PTPN13: variants seen among roughly 807,000 people sequenced by gnomAD.
PTPN13 encodes tyrosine-protein phosphatase non-receptor type 13.
In PTPN13, 191 loss-of-function variants were observed where a neutral mutation model predicts 284.0. The ratio of observed to expected loss-of-function variants is 0.67; its 90% CI spans 0.60 to 0.76. The LOEUF (loss-of-function observed/expected upper bound fraction) is 0.76. Among genes scored for constraint, PTPN13 ranks in the 30% least tolerant of loss-of-function variants. The pLI, the probability that PTPN13 is intolerant of heterozygous loss-of-function variation, is 0.00. For missense variants in PTPN13, 2,797 were observed against 2,939.9 expected, an observed-to-expected ratio of 0.95 and a Z score of 1.12; for synonymous variants, 986 against 1,022.3, an observed-to-expected ratio of 0.96 and a Z score of 0.68.
At chr4:86,615,450 T>C (rs1223569341) in intron 1 of PTPN13, among the ~76,000 whole-genome samples, 1 of 152,170 alleles carries the variant, frequency 6.6e-6, no homozygotes, top group Non-Finnish European at 1.5e-5. Flanking sequence ...TCATTTTCAT[T>C]CCCTACTGTC....
intron 1 of PTPN13, among the ~76,000 whole-genome samples, chr4:86,598,893 T>A (rs1261119440): frequency 1.3e-5 from 2 of 152,164 alleles, no homozygotes; most frequent in Non-Finnish European, 2.9e-5. Flanking sequence ...GCATCCTGAA[T>A]AACTGATACT....
At chr4:86,800,648 T>G (rs1743910819) in intron 42 of PTPN13, among the ~76,000 whole-genome samples, 1 of 124,076 alleles carries the variant, frequency 8.1e-6, no homozygotes, top group Non-Finnish European at 1.7e-5. Flanking sequence ...TGAGATCCTG[T>G]CAGAAAGAAA....
At chr4:86,648,228 A>T (rs1006834253) in intron 2 of PTPN13, among the ~76,000 whole-genome samples, 7 of 152,144 alleles carry the variant, frequency 4.6e-5, no homozygotes, top group Admixed American at 2.0e-4. Context: ...TGTGTTAAGA[A>T]CATTCAAATT....
chr4:86,758,946 C>T lies in PTPN13; in HGVS notation c.3426C>T (p.Asp1142=). ...CTGGATTGTCTATTTGTACAGGAGA[C>T]CGTTTGATATCTGTGAATAGTGTGA... The part of the protein sequence containing the change: ...ADLDGCLKPG[D]RLISVNSVSL... Residue 1142 remains aspartate, a synonymous_variant, in exon 23 of 48, where the codon GAC becomes GAT. Coordinates refer to ENST00000411767, the MANE Select transcript of PTPN13 (RefSeq NM_080683.3). 2.5e-6 allele frequency: 4 copies of T among 1,612,500 alleles called. No homozygotes were observed. The highest frequency in any genetic ancestry group is 3.4e-6 in the Non-Finnish European group (4 of 1,179,404).
chr4:86,647,809 T>G (rs962471033), intron 2 of PTPN13, among the ~76,000 whole-genome samples: 15 of 151,960 alleles, frequency 9.9e-5, no homozygotes, highest in African/African-American at 3.6e-4. Flanking sequence ...TGAGAAGACA[T>G]AGAGAGAAGA....
At chr4:86,808,690 T>C (rs1744906396) in intron 45 of PTPN13, among the ~76,000 whole-genome samples, 1 of 152,242 alleles carries the variant, frequency 6.6e-6, no homozygotes. Flanking sequence ...GCACAGTTGT[T>C]CAATATTCTT....
chr4:86,792,588 A>C (rs1742812938), intron 40 of PTPN13, among the ~76,000 whole-genome samples: 1 of 149,934 alleles, frequency 6.7e-6, no homozygotes, highest in African/African-American at 2.5e-5. Flanking sequence ...GAAGGAAAAA[A>C]TGTTAAGTGT....
chr4:86,739,486 TACTC>T (rs1470750520), intron 15 of PTPN13, among the ~76,000 whole-genome samples: 3 of 152,090 alleles, frequency 2.0e-5, no homozygotes, highest in Admixed American at 6.6e-5. Flanking sequence ...TCGTGAGACT[TACTC>T]ACTATCATGA....
intron 15 of PTPN13, among the ~76,000 whole-genome samples, chr4:86,739,471 A>G (rs1735911775): frequency 6.6e-6 from 1 of 152,280 alleles, no homozygotes; most frequent in South Asian, 2.1e-4. Context: ...TAAAACCATC[A>G]GATCTCGTGA....
chr4:86,696,393 C>T (rs1212123814), intron 6 of PTPN13, among the ~76,000 whole-genome samples: 2 of 151,832 alleles, frequency 1.3e-5, no homozygotes, highest in African/African-American at 4.8e-5. Flanking sequence ...ATATGTGAGA[C>T]TATGGTTTAT....
In PTPN13 at chr4:86,667,674, G is replaced by T. The variant is rs72870696; in HGVS notation, c.116-4691G>T. ...GAATTCCATATTATAGAGGGACTTT[G>T]TCAAATCCTTCAGAGTTTGGAACAG... On this transcript the variant is annotated intron_variant, in intron 2 of 47. Coordinates refer to ENST00000411767, the MANE Select transcript of PTPN13 (RefSeq NM_080683.3). Among the ~76,000 whole-genome samples, 199 of 152,246 alleles carry T rather than the reference G, an allele frequency of 1.3e-3. 1 individual carries two copies. The highest frequency in any genetic ancestry group is 4.6e-3 in the African/African-American group (190 of 41,558).
intron 10 of PTPN13, among the ~76,000 whole-genome samples, chr4:86,726,614 G>T (rs1734282405): frequency 6.7e-6 from 1 of 149,174 alleles, no homozygotes; most frequent in Non-Finnish European, 1.5e-5. Flanking sequence ...TTGGCTGTTT[G>T]TCTGTTATTG....
At chr4:86,726,402 CT>C (rs1427982956) in intron 10 of PTPN13, among the ~76,000 whole-genome samples, 2 of 149,296 alleles carry the variant, frequency 1.3e-5, no homozygotes, top group Non-Finnish European at 3.0e-5. Flanking sequence ...CTATAAATTA[CT>C]TTGGGCAGTA....
Position 86,785,847 on chromosome 4 carries a change from G to T in PTPN13, c.6257-1G>T. ...TCTTGGCCTATATATTCCTCTCTCAGGTACATTAAAGATGAATGGGAAGTT... is the reference window on the plus strand; with the variant it reads ...TCTTGGCCTATATATTCCTCTCTCATGTACATTAAAGATGAATGGGAAGTT... On this transcript the variant is annotated splice_acceptor_variant, in intron 39 of 47. Coordinates refer to ENST00000411767, the MANE Select transcript of PTPN13 (RefSeq NM_080683.3). LOFTEE classifies it high-confidence loss of function. 1 of 1,542,688 alleles carries T rather than the reference G, an allele frequency of 6.5e-7. No homozygotes were observed. The highest frequency in any genetic ancestry group is 2.4e-5 in the East Asian group (1 of 42,180).
At chr4:86,668,851 C>T (rs112728733) in intron 2 of PTPN13, among the ~76,000 whole-genome samples, 6,937 of 150,976 alleles carry the variant, frequency 0.046, 213 homozygotes, top group African/African-American at 0.06. Context: ...AGGTGATCTG[C>T]CCACCTCAGC....
At chr4:86,682,892 T>C (rs945179714) in intron 3 of PTPN13, among the ~76,000 whole-genome samples, 14 of 152,192 alleles carry the variant, frequency 9.2e-5, no homozygotes, top group South Asian at 2.1e-4. Context: ...GTAAGAAATA[T>C]TTTTCTAATA....
intron 2 of PTPN13, among the ~76,000 whole-genome samples, chr4:86,663,851 G>T (rs1224949456): frequency 6.6e-6 from 1 of 152,074 alleles, no homozygotes; most frequent in East Asian, 1.9e-4. Context: ...CCTGTAAAAT[G>T]CCTTACTTAC....
intron 1 of PTPN13, among the ~76,000 whole-genome samples, chr4:86,620,256 C>A (rs985372292): frequency 2.6e-5 from 4 of 152,146 alleles, no homozygotes; most frequent in South Asian, 2.1e-4. Flanking sequence ...GCCTTGACTT[C>A]CCCAGCTCAA....
At chr4:86,673,049 A>G (rs78591853) in intron 3 of PTPN13, among the ~76,000 whole-genome samples, 7,607 of 152,244 alleles carry the variant, frequency 0.05, 260 homozygotes, top group African/African-American at 0.073. Context: ...TCATAATAGG[A>G]TTCGCATTCC....
Sources: gnomAD v4.1 joint callset for allele counts (sites outside exome capture counted in the v4.1 genomes callset) on GRCh38, gnomAD v4.1.1 for gene constraint, MANE v1.5 for transcripts, NCBI Gene and HGNC (gene_info 2026-07-23, HGNC 2026-07-21) for gene names.